VPS13B: variants seen among roughly 807,000 people sequenced by gnomAD.
The protein encoded by VPS13B is vacuolar protein sorting 13 homolog B, also known as intermembrane lipid transfer protein VPS13B.
A neutral mutation model predicts 426.4 loss-of-function variants in VPS13B; 285 were observed. The ratio of observed to expected loss-of-function variants is 0.67; its 90% CI spans 0.61 to 0.74. The LOEUF is 0.74. VPS13B is among the 30% of genes least tolerant of loss of function. The pLI, the probability that VPS13B is intolerant of heterozygous loss-of-function variation, is 0.00. For synonymous variants in VPS13B, 1,676 were observed against 1,676.4 expected (o/e 1.00, Z 0.01); for missense variants, 4,537 against 4,782.6 (o/e 0.95, Z 1.51).
At position 99,717,203 on chromosome 8, in the gene VPS13B, A is replaced by G. The variant is rs794727599; in HGVS notation, c.6487A>G (p.Ile2163Val). The G allele has an allele frequency of 2.5e-6, 4 of 1,613,764 alleles. No individual in the cohort carries two copies. The highest frequency in any genetic ancestry group is 3.4e-6 in the Non-Finnish European group (4 of 1,179,934). ...IILGSSFLLS[I>V]NDFLLKTSLK... ...TCTTGGGTCATCATTTCTACTCAGTATAAACGATTTTCTCCTTAAAACAAG... is the reference window on the plus strand; with the variant it reads ...TCTTGGGTCATCATTTCTACTCAGTGTAAACGATTTTCTCCTTAAAACAAG... Residue 2163 changes from isoleucine (I) to valine (V), a missense_variant, in exon 37 of 62, where the codon ATA (isoleucine) becomes GTA (valine). Coordinates refer to ENST00000357162, the MANE Select transcript of VPS13B (RefSeq NM_152564.5).
chr8:99,560,660 G>A (rs1183037520), intron 31 of VPS13B, among the ~76,000 whole-genome samples: 1 of 152,172 alleles, frequency 6.6e-6, no homozygotes, highest in Non-Finnish European at 1.5e-5. Flanking sequence ...ATGCAATAAT[G>A]GAGTCATCAG....
chr8:99,212,642 C>A (rs989657044), intron 17 of VPS13B, among the ~76,000 whole-genome samples: 9 of 114,658 alleles, frequency 7.8e-5, no homozygotes, highest in African/African-American at 3.0e-4. Context: ...ATGATTTAAG[C>A]TGATCTAAGG....
At chr8:99,519,833 G>A (rs192131790) in intron 29 of VPS13B, among the ~76,000 whole-genome samples, 1 of 151,952 alleles carries the variant, frequency 6.6e-6, no homozygotes, top group East Asian at 1.9e-4. Context: ...GATAGCATTA[G>A]GAGATATACC....
rs547991196 is a variant in VPS13B, at chr8:99,335,852, A to G, written c.2825-48356A>G. Among the ~76,000 whole-genome samples, 853 of 152,294 alleles carry G rather than the reference A, an allele frequency of 5.6e-3. 7 individuals carry two copies. Among genetic ancestry groups the G allele is most frequent in the Non-Finnish European group, 9.0e-3 (610 of 68,014 alleles). ...AAGGAGAACTACAAACCACTGCTCA[A>G]TGAAATAAAAGAGGATACAAACAAA... is the stretch of plus-strand genomic sequence containing the variant. On this transcript the variant is annotated intron_variant, in intron 19 of 61. Transcript: ENST00000357162.
intron 17 of VPS13B, among the ~76,000 whole-genome samples, chr8:99,201,277 C>T (rs1040652253): frequency 6.6e-6 from 1 of 152,000 alleles, no homozygotes; most frequent in Non-Finnish European, 1.5e-5. Context: ...AATTGAGTTC[C>T]AGTTTTACCA....
At chr8:99,404,624 A>G (rs1319968031) in intron 21 of VPS13B, among the ~76,000 whole-genome samples, 2 of 152,254 alleles carry the variant, frequency 1.3e-5, no homozygotes. Flanking sequence ...ATAGTACTAC[A>G]TAAAGGTCAC....
At chr8:99,831,253 A>G (rs1030175422) in intron 51 of VPS13B, among the ~76,000 whole-genome samples, 2 of 151,134 alleles carry the variant, frequency 1.3e-5, no homozygotes, top group African/African-American at 2.4e-5. Flanking sequence ...TTGTATTTTT[A>G]GTAGAGATGG....
intron 39 of VPS13B, among the ~76,000 whole-genome samples, chr8:99,748,527 G>A (rs895350990): frequency 2.6e-5 from 4 of 151,932 alleles, no homozygotes; most frequent in Non-Finnish European, 5.9e-5. Context: ...TGGGAAATCA[G>A]GTATGTATAA....
At chr8:99,534,221 A>G (rs1823074150) in intron 30 of VPS13B, among the ~76,000 whole-genome samples, 2 of 152,206 alleles carry the variant, frequency 1.3e-5, no homozygotes, top group African/African-American at 2.4e-5. Context: ...TCACCAAAGT[A>G]ACTGCATCTT....
At chr8:99,591,033 A>T (rs1428641253) in intron 33 of VPS13B, among the ~76,000 whole-genome samples, 1 of 152,036 alleles carries the variant, frequency 6.6e-6, no homozygotes, top group Non-Finnish European at 1.5e-5. Context: ...TGTTGGGTGT[A>T]TATATATTTA....
intron 33 of VPS13B, among the ~76,000 whole-genome samples, chr8:99,635,895 T>A (rs899949437): frequency 1.3e-5 from 2 of 151,982 alleles, no homozygotes; most frequent in Non-Finnish European, 2.9e-5. Flanking sequence ...CTATGCCTCT[T>A]AACCAAACTC....
intron 33 of VPS13B, among the ~76,000 whole-genome samples, chr8:99,578,137 C>T (rs943080385): frequency 4.6e-5 from 7 of 152,086 alleles, no homozygotes; most frequent in Admixed American, 3.9e-4. Flanking sequence ...TCATTGGAAG[C>T]CTGTATTGTA....
chr8:99,679,684 C>T (rs1018800834), intron 35 of VPS13B, among the ~76,000 whole-genome samples: 1 of 152,116 alleles, frequency 6.6e-6, no homozygotes, highest in Non-Finnish European at 1.5e-5. Flanking sequence ...TTAAAGCACA[C>T]GTCTGCCATC....
intron 19 of VPS13B, among the ~76,000 whole-genome samples, chr8:99,354,262 CT>C (rs1304374014): frequency 2.1e-5 from 2 of 94,674 alleles, no homozygotes; most frequent in Admixed American, 2.1e-4. Context: ...CCCCCTCCCC[CT>C]GCCTTTTTTT....
intron 51 of VPS13B, among the ~76,000 whole-genome samples, chr8:99,828,027 G>T (rs1814797446): frequency 6.6e-6 from 1 of 152,286 alleles, no homozygotes; most frequent in South Asian, 2.1e-4. Flanking sequence ...AGTGCTAGGT[G>T]GTTCTGAGAA....
chr8:99,715,312 T>C (rs1832867349), intron 36 of VPS13B, among the ~76,000 whole-genome samples: 2 of 152,222 alleles, frequency 1.3e-5, no homozygotes, highest in Admixed American at 6.5e-5. Flanking sequence ...GCTACTGTTG[T>C]GCCCAGGACT....
chr8:99,384,242 A>C lies in VPS13B; in HGVS notation c.2859A>C (p.Ala953=). The change falls in exon 20 of 62, where the codon GCA becomes GCC. Residue 953 remains alanine (A), a synonymous_variant. Transcript: ENST00000357162. ...AVLLCSIQGL[A]VNIDPILYTW... is the part of the protein sequence containing the mutation. ...TTCTTTGCAGTATACAAGGACTAGC[A>C]GTTAATATTGACCCAATCTTATATA... The C allele has an allele frequency of 6.2e-7, 1 of 1,614,042 alleles. No homozygotes were observed. The highest frequency in any genetic ancestry group is 1.3e-5 in the African/African-American group (1 of 75,050).
At chr8:99,824,115 A>T in intron 51 of VPS13B, 137 bp downstream of exon 51, 1 of 1,115,300 alleles carries the variant, frequency 9.0e-7, no homozygotes, top group South Asian at 1.4e-5. Flanking sequence ...TTTTTGTTGT[A>T]ATTAAAACCA....
intron 30 of VPS13B, chr8:99,527,785 AAT>A (rs1249987817): frequency 6.6e-6 from 1 of 152,170 alleles, no homozygotes; most frequent in African/African-American, 2.4e-5. Context: ...AAAATATTTA[AAT>A]ATGTTTATAG....
Sources: allele counts gnomAD v4.1 joint callset (sites outside exome capture counted in the v4.1 genomes callset), GRCh38; gene constraint gnomAD v4.1.1; transcripts MANE v1.5; gene names NCBI Gene and HGNC (gene_info 2026-07-23, HGNC 2026-07-21).